Variants in PADI2 observed in about 807,000 individuals in gnomAD.
The protein encoded by PADI2 is protein-arginine deiminase type-2.
In PADI2, 70 loss-of-function variants were observed where a neutral mutation model predicts 81.1. That is an observed-to-expected ratio of 0.86 (90% CI 0.71 to 1.05). The LOEUF (loss-of-function observed/expected upper bound fraction) is 1.05. Ranked by LOEUF, PADI2 falls within the 50% of genes least tolerant of loss-of-function variation. The pLI is 0.00. For missense variants in PADI2, 853 were observed against 889.9 expected (o/e 0.96, Z 0.53); for synonymous variants, 338 against 358.0 (o/e 0.94, Z 0.63).
chr1:17,110,720 TACC>T (rs1465635535), intron 1 of PADI2, among the ~76,000 whole-genome samples: 2 of 152,244 alleles, frequency 1.3e-5, no homozygotes, highest in Non-Finnish European at 2.9e-5. Context: ...TTGTTCCTTT[TACC>T]AGCAAGACTT....
Position 17,119,318 on chromosome 1 carries a change from C to T in PADI2, c.54G>A (p.Val18=). The T allele has an allele frequency of 1.3e-6, 2 of 1,560,188 alleles. No homozygotes were observed. Among genetic ancestry groups the T allele is most frequent in the South Asian group, 1.2e-5 (1 of 84,824 alleles). ...TCCAGAGGTAGGTGCCCAGCACGTA[C>T]ACCGCCTCCACGCGGCTCCCGTACT... ...RLQYGSRVEA[V]YVLGTYLWTD... The change falls in exon 1 of 16, where the codon GTG becomes GTA. Residue 18 remains valine, a synonymous_variant. Transcript: ENST00000375486. The surrounding 1 kb of genome is among the most constrained non-coding windows in gnomAD (Gnocchi z 4.8).
intron 13 of PADI2, among the ~76,000 whole-genome samples, chr1:17,072,964 G>A (rs2078274512): frequency 6.6e-6 from 1 of 152,160 alleles, no homozygotes; most frequent in Non-Finnish European, 1.5e-5. Context: ...GGGTGGTGGT[G>A]TTAAATTGGT....
intron 8 of PADI2, 88 bp downstream of exon 8, chr1:17,084,511 A>G (rs1375546320): frequency 1.5e-5 from 11 of 725,612 alleles, no homozygotes; most frequent in Non-Finnish European, 2.6e-5. Context: ...GTGGTAAGTG[A>G]CGGGGCCAGG....
Position 17,095,908 on chromosome 1 carries a change from C to A in PADI2, c.411+1G>T, listed in dbSNP as rs771402705. ...TGGTGCCTGCCCTGAAAGCTAGGTACCTTCTTTGGGTTGTTCTTCTCCACC... is the reference window on the plus strand; with the variant it reads ...TGGTGCCTGCCCTGAAAGCTAGGTAACTTCTTTGGGTTGTTCTTCTCCACC... On this transcript the variant is annotated splice_donor_variant, in intron 4 of 15. Coordinates refer to ENST00000375486, the MANE Select transcript of PADI2 (RefSeq NM_007365.3). LOFTEE classifies it high-confidence loss of function. 4.4e-6 allele frequency: 7 copies of A among 1,606,948 alleles called. No individual in the cohort carries two copies. The South Asian group carries it at 7.9e-5, about 18-fold the overall frequency.
chr1:17,089,221 A>G (rs1930586471), intron 6 of PADI2, among the ~76,000 whole-genome samples: 1 of 152,190 alleles, frequency 6.6e-6, no homozygotes, highest in African/African-American at 2.4e-5. Context: ...AAATTCAGAT[A>G]CTGAAAGTCC....
intron 6 of PADI2, among the ~76,000 whole-genome samples, chr1:17,090,820 A>G (rs2014718): frequency 0.57 from 86,785 of 151,306 alleles, 25,128 homozygotes; most frequent in Non-Finnish European, 0.63. Flanking sequence ...GCAAGTGATG[A>G]GGAGGGATGA....
chr1:17,099,356 G>T (rs1931059381), intron 3 of PADI2, among the ~76,000 whole-genome samples: 1 of 152,108 alleles, frequency 6.6e-6, no homozygotes, highest in African/African-American at 2.4e-5. Context: ...TCCTTCCACT[G>T]CCAGGACCTC....
intron 11 of PADI2, 101 bp from the exon 12 acceptor site, chr1:17,075,924 C>T (rs1045083994): frequency 1.7e-5 from 19 of 1,091,608 alleles, no homozygotes; most frequent in Non-Finnish European, 2.3e-5. Flanking sequence ...CCCAGAGTGA[C>T]ATCAGCAGAG....
At chr1:17,101,236 T>C (rs1931130680) in intron 3 of PADI2, among the ~76,000 whole-genome samples, 2 of 152,194 alleles carry the variant, frequency 1.3e-5, no homozygotes, top group South Asian at 2.1e-4. Context: ...CATCTCCTAG[T>C]GAGGAGGAAA....
chr1:17,111,885 G>C (rs749622286), intron 1 of PADI2, among the ~76,000 whole-genome samples: 1 of 152,204 alleles, frequency 6.6e-6, no homozygotes, highest in African/African-American at 2.4e-5. Context: ...CTGCATGTTC[G>C]AGAAGCTGGA....
At chr1:17,102,859 G>C in intron 3 of PADI2, 128 bp downstream of exon 3, 1 of 691,822 alleles carries the variant, frequency 1.4e-6, no homozygotes, top group Non-Finnish European at 2.6e-6. Flanking sequence ...CCCCAGGCCT[G>C]TGCCATTCAG....
chr1:17,085,713 C>T (rs914612869), intron 7 of PADI2, among the ~76,000 whole-genome samples: 2 of 152,212 alleles, frequency 1.3e-5, no homozygotes, highest in East Asian at 1.9e-4. Context: ...CCTGGGCAGT[C>T]GGCTGCCAGG....
At chr1:17,109,919 C>T (rs1931514653) in intron 1 of PADI2, among the ~76,000 whole-genome samples, 1 of 152,160 alleles carries the variant, frequency 6.6e-6, no homozygotes, top group Non-Finnish European at 1.5e-5. Flanking sequence ...GCTTCCTGCC[C>T]ACCTTCATTC....
chr1:17,071,290 G>A (rs375312507), intron 14 of PADI2, 116 bp downstream of exon 14: 57 of 702,136 alleles, frequency 8.1e-5, no homozygotes, highest in African/African-American at 3.0e-4. Flanking sequence ...TGCTGTGCTC[G>A]GGGTCAGGAG....
intron 13 of PADI2, among the ~76,000 whole-genome samples, chr1:17,073,203 G>T (rs569342155): frequency 1.3e-5 from 2 of 152,210 alleles, no homozygotes; most frequent in African/African-American, 2.4e-5. Flanking sequence ...GGTTCATGAG[G>T]TCAGGAGATT....
rs368879812 is a variant in PADI2, at chr1:17,086,577, C to G, written c.778G>C (p.Glu260Gln). ...FFVEGLCFPDEGFSGLVSIHV... is the reference protein window; with the variant it reads ...FFVEGLCFPDQGFSGLVSIHV... The stretch of plus-strand genomic sequence containing the variant: ...ATGGAGACCAGGCCTGAGAAGCCCT[C>G]GTCGGGGAAACAGAGGCCTTCCACG... Residue 260 changes from glutamate (E) to glutamine (Q), a missense_variant, in exon 7 of 16, where the codon GAG (glutamate) becomes CAG (glutamine). Physicochemically the swap from Glu to Gln is conservative, Grantham distance 29. Transcript: ENST00000375486. 1 of 1,614,022 alleles carries G rather than the reference C, an allele frequency of 6.2e-7. No individual in the cohort carries two copies. Among genetic ancestry groups the G allele is most frequent in the East Asian group, 2.2e-5 (1 of 44,878 alleles).
intron 10 of PADI2, among the ~76,000 whole-genome samples, chr1:17,080,084 C>A (rs541282946): frequency 5.9e-5 from 9 of 152,290 alleles, no homozygotes; most frequent in South Asian, 2.1e-4. Context: ...AGCCACTGCG[C>A]CCAGCCCGTT....
chr1:17,105,127 G>T, intron 1 of PADI2, 66 bp from the exon 2 acceptor site: 1 of 1,141,754 alleles, frequency 8.8e-7, no homozygotes, highest in Non-Finnish European at 1.2e-6. Context: ...GGCTTCAAGA[G>T]GAGACTCCTG....
chr1:17,068,920 C>T lies in PADI2; in HGVS notation c.*124G>A, dbSNP rs779282965. 1 of 756,502 alleles carries T rather than the reference C, an allele frequency of 1.3e-6. No individual in the cohort carries two copies. The highest frequency in any genetic ancestry group is 2.5e-5 in the East Asian group (1 of 40,080). The allele number at this position is 756,502 out of a possible 1,614,324, so 46.9% of individuals were successfully genotyped here. On this transcript the variant is annotated 3_prime_UTR_variant, in exon 16 of 16. Coordinates refer to ENST00000375486, the MANE Select transcript of PADI2 (RefSeq NM_007365.3). ...GGGCAAGGCACAGATACCCCAAATT[C>T]CACCCCACGTCCCAAAGGTCTCCCA...
Sources: gnomAD v4.1 joint callset for allele counts (sites outside exome capture counted in the v4.1 genomes callset) on GRCh38, gnomAD v4.1.1 for gene constraint, Gnocchi (gnomAD v3.1) non-coding constraint, MANE v1.5 for transcripts, NCBI Gene and HGNC (gene_info 2026-07-23, HGNC 2026-07-21) for gene names.